The following RBPJ variants were observed in gnomAD, a reference collection of about 807,000 sequenced individuals.
The protein encoded by RBPJ is recombination signal binding protein for immunoglobulin kappa J region, also known as recombining binding protein suppressor of hairless.
RBPJ carries 9 observed loss-of-function variants against 67.8 expected under a neutral mutation model. The ratio of observed to expected loss-of-function variants is 0.13; its 90% CI spans 0.08 to 0.23. The LOEUF is 0.23. Ranked by LOEUF, RBPJ falls within the 10% of genes least tolerant of loss-of-function variation. The probability of loss-of-function intolerance (pLI) is 1.00; values close to 1 mark genes in which losing one functional copy is unlikely to be tolerated. For synonymous variants in RBPJ, 198 were observed against 203.3 expected (o/e 0.97, Z 0.22); for missense variants, 305 against 595.6 (o/e 0.51, Z 5.08).
At chr4:26,224,214 A>C (rs1719009168) in intron 1 of RBPJ, among the ~76,000 whole-genome samples, 1 of 151,022 alleles carries the variant, frequency 6.6e-6, no homozygotes, top group African/African-American at 2.4e-5. Flanking sequence ...CCCATTGTGC[A>C]TTCTGTTCCG....
the RBPJ span, among the ~76,000 whole-genome samples, chr4:26,127,901 G>A: frequency 1.3e-5 from 2 of 152,208 alleles, no homozygotes; most frequent in Non-Finnish European, 2.9e-5. Context: ...GCTGCTCAGA[G>A]GGAAACATGC....
chr4:26,262,267 G>A (rs1720563886), intron 1 of RBPJ, among the ~76,000 whole-genome samples: 1 of 151,136 alleles, frequency 6.6e-6, no homozygotes, highest in African/African-American at 2.4e-5. Flanking sequence ...AAGAAATGAA[G>A]TCTCACTATA....
At chr4:26,321,137 C>A (rs113697915) in intron 1 of RBPJ, 89 bp downstream of exon 1, 542,247 of 1,037,812 alleles carry the variant, frequency 0.52, 145,832 homozygotes, top group Admixed American at 0.67. Flanking sequence ...GGGGCCGCGG[C>A]GCGCTTGGCG....
chr4:26,320,299 A>T (rs1722880687), upstream of RBPJ, among the ~76,000 whole-genome samples: 1 of 152,154 alleles, frequency 6.6e-6, no homozygotes, highest in African/African-American at 2.4e-5. Context: ...GCTTGACCTC[A>T]TTTCACACCC....
chr4:26,172,396 A>G (rs1716625116), intron 1 of RBPJ, among the ~76,000 whole-genome samples: 2 of 152,216 alleles, frequency 1.3e-5, no homozygotes, highest in South Asian at 4.1e-4. Context: ...CAGGAACAGC[A>G]TAAGGGAATA....
chr4:26,430,689 C>G lies in RBPJ; in HGVS notation c.1149-3C>G. On this transcript the variant is annotated splice_region_variant and splice_polypyrimidine_tract_variant and intron_variant, in intron 10 of 10. Coordinates refer to ENST00000355476, the MANE Select transcript of RBPJ (RefSeq NM_015874.6). This position sits in a 1 kb window ranked among gnomAD's most constrained non-coding sequence, Gnocchi z 4.1. The stretch of plus-strand genomic sequence containing the variant: ...TTTTAAGTGATTTCTATTTCCTCCT[C>G]AGGTGTGGAGAGAGTATGCTCTGTG... 1.2e-6 allele frequency: 2 copies of G among 1,612,622 alleles called. No individual in the cohort carries two copies. The highest frequency in any genetic ancestry group is 2.2e-5 in the South Asian group (2 of 90,952).
Position 26,292,621 on chromosome 4 carries a change from C to T in RBPJ, c.-166-69825C>T, listed in dbSNP as rs567891834. Among the ~76,000 whole-genome samples the T allele has an allele frequency of 1.3e-5, 2 of 150,138 alleles. 1 individual carries two copies. The highest frequency in any genetic ancestry group is 3.9e-4 in the East Asian group (2 of 5,072). ...ATTTTTAGTAGAGACGAGGTTTCAC[C>T]ATGTTGGCCAGGCTGGTCTCAAACT... is the stretch of plus-strand genomic sequence containing the variant. On this transcript the variant is annotated intron_variant, in intron 1 of 4. Coordinates refer to the RBPJ transcript ENST00000512351.
At chr4:26,259,071 G>A (rs1399084048) in intron 1 of RBPJ, among the ~76,000 whole-genome samples, 1 of 152,054 alleles carries the variant, frequency 6.6e-6, no homozygotes, top group African/African-American at 2.4e-5. Context: ...CAAAGTGCTG[G>A]GATTACAGGC....
chr4:26,386,695 AT>A (rs1730953829), intron 2 of RBPJ, among the ~76,000 whole-genome samples: 1 of 152,252 alleles, frequency 6.6e-6, no homozygotes, highest in Non-Finnish European at 1.5e-5. Context: ...TGGTTAGCCC[AT>A]CACAATTTGT....
intron 2 of RBPJ, among the ~76,000 whole-genome samples, chr4:26,400,145 A>G (rs183116884): frequency 2.8e-4 from 42 of 152,198 alleles, no homozygotes; most frequent in African/African-American, 1.0e-3. Flanking sequence ...CCAATAATAA[A>G]ATTTTTGGTA....
At chr4:26,149,992 C>G in the RBPJ span, among the ~76,000 whole-genome samples, 1 of 152,204 alleles carries the variant, frequency 6.6e-6, no homozygotes, top group South Asian at 2.1e-4. Context: ...TTAAAAACTC[C>G]TGCACACTGT....
chr4:26,146,097 C>T, the RBPJ span, among the ~76,000 whole-genome samples: 19 of 152,064 alleles, frequency 1.2e-4, no homozygotes, highest in Non-Finnish European at 2.5e-4. Context: ...CAACCATGCC[C>T]GGCTACTTTT....
At chr4:26,150,472 G>C in the RBPJ span, among the ~76,000 whole-genome samples, 2 of 152,208 alleles carry the variant, frequency 1.3e-5, no homozygotes, top group Non-Finnish European at 2.9e-5. Flanking sequence ...AACACTTGTA[G>C]AGCACTTACA....
chr4:26,302,437 G>A (rs889566287), intron 1 of RBPJ, among the ~76,000 whole-genome samples: 2 of 152,088 alleles, frequency 1.3e-5, no homozygotes, highest in Non-Finnish European at 2.9e-5. Context: ...CCTCTCCCCA[G>A]TCCCGTTTCT....
chr4:26,320,505 G>C (rs965192559), upstream of RBPJ: 1 of 481,278 alleles, frequency 2.1e-6, no homozygotes, highest in African/African-American at 2.0e-5. Context: ...CCCAGGGAAC[G>C]TTTGAATGAA....
At chr4:26,355,059 T>C (rs1436119636) in intron 1 of RBPJ, among the ~76,000 whole-genome samples, 1 of 152,072 alleles carries the variant, frequency 6.6e-6, no homozygotes, top group Non-Finnish European at 1.5e-5. Context: ...TCCTGCCGTA[T>C]TTTTTTGGTC....
At chr4:26,341,711 TG>T (rs1455456520) in intron 1 of RBPJ, among the ~76,000 whole-genome samples, 1 of 151,718 alleles carries the variant, frequency 6.6e-6, no homozygotes, top group Non-Finnish European at 1.5e-5. Context: ...TGTTAAGTTT[TG>T]TTGAAGTGAC....
intron 1 of RBPJ, among the ~76,000 whole-genome samples, chr4:26,236,268 C>T (rs1369935619): frequency 3.3e-5 from 5 of 152,148 alleles, no homozygotes; most frequent in East Asian, 1.9e-4. Context: ...CTTATAGCTT[C>T]GATGTCCTCA....
chr4:26,324,957 A>G (rs1326451227), intron 1 of RBPJ, among the ~76,000 whole-genome samples: 1 of 152,228 alleles, frequency 6.6e-6, no homozygotes, highest in Admixed American at 6.5e-5. Flanking sequence ...TTTGCTCTTA[A>G]GAATAAATTC....
Sources: allele counts gnomAD v4.1 joint callset (sites outside exome capture counted in the v4.1 genomes callset), GRCh38; gene constraint gnomAD v4.1.1; non-coding constraint Gnocchi (gnomAD v3.1); transcripts MANE v1.5; gene names NCBI Gene and HGNC (gene_info 2026-07-23, HGNC 2026-07-21).